RUBCNL: variants seen among roughly 807,000 people sequenced by gnomAD.
RUBCNL encodes protein associated with UVRAG as autophagy enhancer.
RUBCNL carries 62 observed loss-of-function variants against 69.5 expected under a neutral mutation model. The ratio of observed to expected loss-of-function variants is 0.89; its 90% CI spans 0.73 to 1.10. The LOEUF (loss-of-function observed/expected upper bound fraction) is 1.10, where lower values mean the gene tolerates loss of function less well. Ranked by LOEUF, RUBCNL falls within the 50% of genes least tolerant of loss-of-function variation. The pLI is 0.00. For synonymous variants in RUBCNL, 291 were observed against 303.6 expected, an observed-to-expected ratio of 0.96 and a Z score of 0.43; for missense variants, 768 against 798.1, an observed-to-expected ratio of 0.96 and a Z score of 0.45.
intron 8 of RUBCNL, among the ~76,000 whole-genome samples, chr13:46,360,491 G>C (rs2476663): frequency 0.39 from 59,603 of 152,016 alleles, 12,289 homozygotes; most frequent in East Asian, 0.59. Flanking sequence ...TCCAACCGCA[G>C]CGAATCACTC....
intron 2 of RUBCNL, among the ~76,000 whole-genome samples, chr13:46,375,436 G>C (rs2048970511): frequency 6.6e-6 from 1 of 152,186 alleles, no homozygotes; most frequent in African/African-American, 2.4e-5. Flanking sequence ...AGGAGGCTGA[G>C]GCAGGAGAAT....
chr13:46,383,722 G>A (rs1248757499), intron 1 of RUBCNL, among the ~76,000 whole-genome samples: 1 of 152,172 alleles, frequency 6.6e-6, no homozygotes, highest in African/African-American at 2.4e-5. Flanking sequence ...CAGTATATGA[G>A]CCAAACCCAC....
At chr13:46,347,058 T>C (rs1360649406) in intron 12 of RUBCNL, among the ~76,000 whole-genome samples, 1 of 152,172 alleles carries the variant, frequency 6.6e-6, no homozygotes, top group Non-Finnish European at 1.5e-5. Flanking sequence ...ACACTGAGGT[T>C]TGGAGTATCA....
In RUBCNL at chr13:46,371,520, T is replaced by C. The variant is rs186078287; in HGVS notation, c.535+421A>G. Among the ~76,000 whole-genome samples the C allele has an allele frequency of 1.6e-4, 25 of 152,316 alleles. No homozygotes were observed. In the East Asian group the frequency reaches 4.6e-3, roughly 28 times the overall value. On this transcript the variant is annotated intron_variant, in intron 3 of 14. Coordinates refer to ENST00000429979, the MANE Select transcript of RUBCNL (RefSeq NM_025113.5). ...CTTACCATTTTCCTGTCAGATTCTA[T>C]ACAGGTAAATATAACAAGTGAAGTG...
intron 10 of RUBCNL, among the ~76,000 whole-genome samples, chr13:46,355,588 G>A (rs913004112): frequency 3.3e-5 from 5 of 152,132 alleles, no homozygotes; most frequent in Non-Finnish European, 5.9e-5. Flanking sequence ...GGGAGACACC[G>A]TGCCTGGCCC....
chr13:46,344,482 C>A (rs572230864), intron 14 of RUBCNL, among the ~76,000 whole-genome samples: 6 of 152,210 alleles, frequency 3.9e-5, no homozygotes, highest in African/African-American at 1.2e-4. Flanking sequence ...AACAAAGGGA[C>A]CATCTCCTCT....
chr13:46,336,054 G>C lies in RUBCNL; in HGVS notation c.*7331C>G, dbSNP rs2048103261. Among the ~76,000 whole-genome samples, 1 of 152,200 alleles carries C rather than the reference G, an allele frequency of 6.6e-6. No homozygotes were observed. The highest frequency in any genetic ancestry group is 2.1e-4 in the South Asian group (1 of 4,832). ...ACCTACAAAGGAGACCAAGAAAAGA[G>C]ACCACTGTCTACAGAGGAAGGGGAG... On this transcript the variant is annotated 3_prime_UTR_variant, in exon 15 of 15. Transcript: ENST00000429979.
chr13:46,384,543 T>C (rs1233385435), intron 1 of RUBCNL, among the ~76,000 whole-genome samples: 1 of 152,126 alleles, frequency 6.6e-6, no homozygotes, highest in Non-Finnish European at 1.5e-5. Flanking sequence ...CTGCTTACTG[T>C]GGGTGCTTTT....
At position 46,350,232 on chromosome 13, in the gene RUBCNL, ACTT is replaced by A; in HGVS notation, c.1447_1449del (p.Lys483del). On this transcript the variant is annotated inframe_deletion, in exon 11 of 15. Coordinates refer to ENST00000429979, the MANE Select transcript of RUBCNL (RefSeq NM_025113.5). ...TGTTTGGAGAAATTGCTGACGTAGTACTTCTTGAAGTCCCACATCATCAGGATT... is the reference window on the plus strand; with the variant it reads ...TGTTTGGAGAAATTGCTGACGTAGTACTTGAAGTCCCACATCATCAGGATT... The A allele has an allele frequency of 6.3e-7, 1 of 1,593,068 alleles. No individual in the cohort carries two copies. The highest frequency in any genetic ancestry group is 1.1e-5 in the South Asian group (1 of 87,594).
intron 6 of RUBCNL, among the ~76,000 whole-genome samples, 170 bp downstream of exon 6, chr13:46,362,945 T>TATATAG (rs1555253805): frequency 3.3e-5 from 2 of 60,184 alleles, no homozygotes; most frequent in Non-Finnish European, 5.8e-5. Context: ...TATAGATATA[T>TATATAG]ATATATATAT....
chr13:46,350,317 T>C lies in RUBCNL; in HGVS notation c.1365A>G (p.Leu455=), dbSNP rs2048344150. Residue 455 remains leucine (L), a synonymous_variant, in exon 11 of 15, where the codon CTA becomes CTG. Coordinates refer to ENST00000429979, the MANE Select transcript of RUBCNL (RefSeq NM_025113.5). ...GGCAGCAGTCACAGAAATACTTCCC[T>C]AGGTATTCGCAGTACCGGAGCCGCT... ...FVKRLRYCEY[L]GKYFCDCCHS... 6.4e-7 allele frequency: 1 copy of C among 1,564,368 alleles called. No individual in the cohort carries two copies. Among genetic ancestry groups the C allele is most frequent in the South Asian group, 1.2e-5 (1 of 85,284 alleles).
At position 46,343,401 on chromosome 13, in the gene RUBCNL, G is replaced by A. The variant is rs1283750495; in HGVS notation, c.1973C>T (p.Ala658Val). The change falls in exon 15 of 15, where the codon GCC becomes GTC. Residue 658 changes from alanine to valine, a missense_variant. Ala to Val is a moderately conservative substitution (Grantham distance 64). Coordinates refer to ENST00000429979, the MANE Select transcript of RUBCNL (RefSeq NM_025113.5). ...TARRKLLESV[A>V]SAAT ...TCAGGGGCATCATGTTGCTGCAGAGGCCACACTTTCCAGAAGTTTTCTCCT... is the reference window on the plus strand; with the variant it reads ...TCAGGGGCATCATGTTGCTGCAGAGACCACACTTTCCAGAAGTTTTCTCCT... 6.2e-7 allele frequency: 1 copy of A among 1,613,542 alleles called. No homozygotes were observed. Among genetic ancestry groups the A allele is most frequent in the Admixed American group, 1.7e-5 (1 of 59,984 alleles).
At position 46,363,149 on chromosome 13, in the gene RUBCNL, A is replaced by G; in HGVS notation, c.891T>C (p.Ile297=). ...ETRTYHDVKE[I]CKCDVDEFVI... is the part of the protein sequence containing the mutation. ...CAAATTCATCAACATCGCATTTGCA[A>G]ATCTCTTTCACATCATGGTAAGTAC... Residue 297 remains isoleucine (I), a synonymous_variant, in exon 6 of 15, where the codon ATT becomes ATC. Transcript: ENST00000429979. 6.2e-7 allele frequency: 1 copy of G among 1,602,176 alleles called. No individual in the cohort carries two copies. Among genetic ancestry groups the G allele is most frequent in the Non-Finnish European group, 8.5e-7 (1 of 1,174,404 alleles).
At chr13:46,388,061 A>C (rs758033582), upstream of RUBCNL, among the ~76,000 whole-genome samples, 31 of 151,826 alleles carry the variant, frequency 2.0e-4, no homozygotes, top group Non-Finnish European at 3.5e-4. Context: ...AAAATATAAA[A>C]ATTAGCCGAG....
chr13:46,345,075 C>T (rs1171347079), intron 13 of RUBCNL, among the ~76,000 whole-genome samples: 2 of 152,180 alleles, frequency 1.3e-5, no homozygotes, highest in Non-Finnish European at 2.9e-5. Flanking sequence ...TGTAAACATG[C>T]ACTCTGAAAT....
chr13:46,366,093 A>G (rs2048748575), intron 5 of RUBCNL, among the ~76,000 whole-genome samples: 1 of 152,180 alleles, frequency 6.6e-6, no homozygotes, highest in Admixed American at 6.5e-5. Context: ...ACCACAGAAG[A>G]AGGAAGAGTC....
intron 5 of RUBCNL, 76 bp from the exon 6 acceptor site, chr13:46,363,289 A>C: frequency 1.6e-6 from 1 of 621,454 alleles, no homozygotes; most frequent in Non-Finnish European, 2.6e-6. Context: ...CACCCAACTA[A>C]ATAGAAATTG....
upstream of RUBCNL, chr13:46,387,833 C>CG (rs1486811884): frequency 1.0e-6 from 1 of 985,456 alleles, no homozygotes. Context: ...AATCCCATCA[C>CG]GGGTGTGCAG....
intron 2 of RUBCNL, among the ~76,000 whole-genome samples, chr13:46,377,391 G>C (rs747582458): frequency 1.3e-5 from 2 of 152,190 alleles, no homozygotes; most frequent in Non-Finnish European, 2.9e-5. Flanking sequence ...AGCCTCCCTA[G>C]CAGCTGGGAT....
Sources: gnomAD v4.1 joint callset for allele counts (sites outside exome capture counted in the v4.1 genomes callset) on GRCh38, gnomAD v4.1.1 for gene constraint, MANE v1.5 for transcripts, NCBI Gene and HGNC (gene_info 2026-07-23, HGNC 2026-07-21) for gene names.